The following EFCAB11 variants were observed in gnomAD, a reference collection of about 807,000 sequenced individuals.
EFCAB11 encodes the protein EF-hand calcium binding domain 11.
EFCAB11 carries 14 observed loss-of-function variants against 23.0 expected under a neutral mutation model. The observed-to-expected ratio is 0.61, with a 90% CI of 0.40 to 0.95. EFCAB11 has a LOEUF of 0.95. Ranked by LOEUF, EFCAB11 falls within the 40% of genes least tolerant of loss-of-function variation. The pLI is 0.00. For missense variants in EFCAB11, 198 were observed against 195.8 expected, an observed-to-expected ratio of 1.01 and a Z score of -0.07; for synonymous variants, 65 against 66.6, an observed-to-expected ratio of 0.98 and a Z score of 0.11.
In EFCAB11 at chr14:89,841,701, G is replaced by A. The variant is rs1887274584; in HGVS notation, c.411-44377C>T. Among the ~76,000 whole-genome samples, 2 of 151,880 alleles carry A rather than the reference G, an allele frequency of 1.3e-5. 1 individual carries two copies. The highest frequency in any genetic ancestry group is 4.2e-4 in the South Asian group (2 of 4,816). Reference sequence around the variant, plus strand: ...AGTCTGGATTCTGTTACTTCTCTGGGCACTGTTTACTGTTTTTCAGGGACA... The same window carrying A: ...AGTCTGGATTCTGTTACTTCTCTGGACACTGTTTACTGTTTTTCAGGGACA... On this transcript the variant is annotated intron_variant, in intron 5 of 5. Transcript: ENST00000316738.
chr14:89,931,828 G>A, intron 4 of EFCAB11, among the ~76,000 whole-genome samples, 197 bp from the exon 5 acceptor site: 1 of 152,158 alleles, frequency 6.6e-6, no homozygotes, highest in South Asian at 2.1e-4. Flanking sequence ...CTTTCCTTCA[G>A]TGCAGTCCCG....
At chr14:89,921,880 C>T (rs971314268) in intron 5 of EFCAB11, among the ~76,000 whole-genome samples, 2 of 152,188 alleles carry the variant, frequency 1.3e-5, no homozygotes, top group South Asian at 2.1e-4. Context: ...TTATTAAATA[C>T]AGATTTCTCT....
chr14:89,948,705 G>C (rs1383122173), intron 3 of EFCAB11, among the ~76,000 whole-genome samples: 1 of 152,158 alleles, frequency 6.6e-6, no homozygotes, highest in Non-Finnish European at 1.5e-5. Flanking sequence ...ATGAAAATGG[G>C]AGGTCACTAT....
intron 3 of EFCAB11, among the ~76,000 whole-genome samples, chr14:89,936,760 T>C (rs1362506069): frequency 6.6e-6 from 1 of 152,204 alleles, no homozygotes. Flanking sequence ...CATAGTAACA[T>C]GCTATTCCTG....
chr14:89,925,295 G>A lies in EFCAB11; in HGVS notation c.410+6246C>T, dbSNP rs186896736. On this transcript the variant is annotated intron_variant, in intron 5 of 5. Coordinates refer to ENST00000316738, the MANE Select transcript of EFCAB11 (RefSeq NM_145231.4). ...GGACCAGATGTTGGAAAAGAGACCA[G>A]ATGTTGGAAAGCCAGGTTAAAGAGT... 7.2e-5 allele frequency among the ~76,000 whole-genome samples: 11 copies of A among 152,306 alleles called. No homozygotes were observed. In the East Asian group the frequency reaches 2.1e-3, roughly 29 times the overall value.
At chr14:89,803,593 G>C (rs546546364) in intron 5 of EFCAB11, among the ~76,000 whole-genome samples, 1 of 152,342 alleles carries the variant, frequency 6.6e-6, no homozygotes, top group African/African-American at 2.4e-5. Context: ...GGAAAAGGGA[G>C]AGAGCAGCTT....
intron 3 of EFCAB11, among the ~76,000 whole-genome samples, chr14:89,946,157 G>C (rs145799647): frequency 6.6e-6 from 1 of 151,928 alleles, no homozygotes; most frequent in Non-Finnish European, 1.5e-5. Context: ...CAAGTGATTC[G>C]TCTGCGTTGG....
Position 89,808,207 on chromosome 14 carries a change from A to G in EFCAB11, c.411-10883T>C, listed in dbSNP as rs539375305. ...AATGTTAATAATATAATGATATAGG[A>G]ACGAAGACTAGCCATTGCTCCATCT... On this transcript the variant is annotated intron_variant, in intron 5 of 5. Coordinates refer to ENST00000316738, the MANE Select transcript of EFCAB11 (RefSeq NM_145231.4). 4.6e-5 allele frequency among the ~76,000 whole-genome samples: 7 copies of G among 152,300 alleles called. No individual in the cohort carries two copies. In the South Asian group the frequency reaches 1.5e-3, roughly 32 times the overall value.
intron 5 of EFCAB11, among the ~76,000 whole-genome samples, chr14:89,899,574 T>C (rs1184899598): frequency 1.3e-5 from 2 of 152,214 alleles, no homozygotes; most frequent in Non-Finnish European, 2.9e-5. Flanking sequence ...GGTAAAAATT[T>C]CTGTGACTCA....
chr14:89,834,375 CAAAAAA>C (rs5810476), intron 5 of EFCAB11, among the ~76,000 whole-genome samples: 2 of 32,436 alleles, frequency 6.2e-5, no homozygotes, highest in East Asian at 1.2e-3. Flanking sequence ...GACTCCGTCT[CAAAAAA>C]AAAAAAAAAA....
chr14:89,924,555 T>C (rs1173551570), intron 5 of EFCAB11: 6 of 1,523,800 alleles, frequency 3.9e-6, no homozygotes, highest in Non-Finnish European at 5.3e-6. Context: ...AGTAAACATA[T>C]CCATGCAGAG....
At chr14:89,913,642 T>C (rs1010045569) in intron 5 of EFCAB11, among the ~76,000 whole-genome samples, 2 of 152,198 alleles carry the variant, frequency 1.3e-5, no homozygotes, top group African/African-American at 4.8e-5. Flanking sequence ...TTTAAAATTC[T>C]ATACTGGGCT....
chr14:89,934,122 G>A (rs1054023733), intron 3 of EFCAB11, among the ~76,000 whole-genome samples: 1 of 152,156 alleles, frequency 6.6e-6, no homozygotes, highest in East Asian at 1.9e-4. Flanking sequence ...TAAATAATTT[G>A]GGTTTTATTT....
chr14:89,828,564 T>C (rs1379686172), intron 5 of EFCAB11, among the ~76,000 whole-genome samples: 1 of 152,212 alleles, frequency 6.6e-6, no homozygotes, highest in Admixed American at 6.5e-5. Context: ...GTAATCGATG[T>C]TGACATGCTA....
At chr14:89,829,057 T>C (rs989631132) in intron 5 of EFCAB11, among the ~76,000 whole-genome samples, 7 of 152,250 alleles carry the variant, frequency 4.6e-5, no homozygotes, top group Non-Finnish European at 7.3e-5. Flanking sequence ...GATGGTGATA[T>C]GAAGGAAGAG....
intron 5 of EFCAB11, among the ~76,000 whole-genome samples, chr14:89,925,072 G>C (rs759764597): frequency 5.3e-5 from 8 of 152,204 alleles, no homozygotes; most frequent in Non-Finnish European, 8.8e-5. Context: ...TTTAAGGAAA[G>C]AAGACTGTAC....
At chr14:89,893,701 A>G (rs1233014054) in intron 5 of EFCAB11, among the ~76,000 whole-genome samples, 2 of 151,326 alleles carry the variant, frequency 1.3e-5, no homozygotes, top group Non-Finnish European at 2.9e-5. Context: ...CCCCTGCCCA[A>G]TCCTGCTTCC....
chr14:89,807,614 A>T (rs533869594), intron 5 of EFCAB11, among the ~76,000 whole-genome samples: 1 of 152,346 alleles, frequency 6.6e-6, no homozygotes, highest in South Asian at 2.1e-4. Context: ...ATTGTTAGCC[A>T]TTGTTTAGAC....
chr14:89,939,819 A>C (rs1167823721), intron 3 of EFCAB11, among the ~76,000 whole-genome samples: 3 of 152,042 alleles, frequency 2.0e-5, no homozygotes, highest in African/African-American at 7.2e-5. Flanking sequence ...GCTCACTGCA[A>C]CCTCCGCTTC....
Sources: gnomAD v4.1 joint callset for allele counts (sites outside exome capture counted in the v4.1 genomes callset) on GRCh38, gnomAD v4.1.1 for gene constraint, MANE v1.5 for transcripts, NCBI Gene and HGNC (gene_info 2026-07-23, HGNC 2026-07-21) for gene names.